Variants in MACO1 observed in about 807,000 individuals in gnomAD.
The protein encoded by MACO1 is macoilin 1.
Under a neutral mutation model 78.7 loss-of-function variants are expected in MACO1, and 14 were observed. That is an observed-to-expected ratio of 0.18 (90% CI 0.12 to 0.28). The LOEUF (loss-of-function observed/expected upper bound fraction) is 0.28, where lower values mean the gene tolerates loss of function less well. MACO1 is among the 10% of genes least tolerant of loss of function. The pLI is 1.00. For synonymous variants in MACO1, 288 were observed against 291.6 expected (o/e 0.99, Z 0.12); for missense variants, 501 against 799.0 (o/e 0.63, Z 4.50).
At position 25,454,436 on chromosome 1, in the gene MACO1, ATATGTG is replaced by A. The variant is rs1360316722; in HGVS notation, c.473+56_473+61del. The A allele has an allele frequency of 4.7e-4, 346 of 734,898 alleles. 2 individuals carry two copies. The African/African-American group carries it at 7.0e-3, about 15-fold the overall frequency. 45.5% of individuals were successfully genotyped at this position (734,898 alleles called of 1,614,324 possible). On this transcript the variant is annotated intron_variant, in intron 4 of 10. Coordinates refer to ENST00000374343, the MANE Select transcript of MACO1 (RefSeq NM_018202.6). ...TGTGTGTATATGTGTGTATGTATAT[ATATGTG>A]TGTGTGTGTGTGTGTGTGTGTGTGT...
At position 25,463,813 on chromosome 1, in the gene MACO1, A is replaced by G. The variant is rs376885469; in HGVS notation, c.1154+4921A>G. On this transcript the variant is annotated intron_variant, in intron 6 of 10. Transcript: ENST00000374343. ...CTTAGGCTAATTATATATAGTTGTC[A>G]TCATAGCATTTTATAGTGTTTTTTA... 3.9e-4 allele frequency among the ~76,000 whole-genome samples: 59 copies of G among 152,368 alleles called. No individual in the cohort carries two copies. In the South Asian group the frequency reaches 0.012, roughly 30 times the overall value.
intron 5 of MACO1, among the ~76,000 whole-genome samples, chr1:25,457,285 A>AT: frequency 6.6e-6 from 1 of 151,534 alleles, no homozygotes; most frequent in East Asian, 1.9e-4. Flanking sequence ...TTTTTTAATT[A>AT]TTTTTTTGTA....
Position 25,497,016 on chromosome 1 carries a change from A to G in MACO1, c.1793-1248A>G, listed in dbSNP as rs908859109. ...TACATAAGCATTTAGCATGCCTGGCATATATGAAGCCCTATGTGTTAGTTT... is the reference window on the plus strand; with the variant it reads ...TACATAAGCATTTAGCATGCCTGGCGTATATGAAGCCCTATGTGTTAGTTT... On this transcript the variant is annotated intron_variant, in intron 10 of 10. Transcript: ENST00000374343. 1.1e-4 allele frequency among the ~76,000 whole-genome samples: 17 copies of G among 152,328 alleles called. No individual in the cohort carries two copies. The East Asian group carries it at 3.3e-3, about 29-fold the overall frequency.
chr1:25,471,351 A>G (rs1358379312), intron 6 of MACO1, among the ~76,000 whole-genome samples: 2 of 152,070 alleles, frequency 1.3e-5, no homozygotes, highest in African/African-American at 4.8e-5. Context: ...CAAAAAAAAA[A>G]AAAAGAAAGA....
At position 25,454,436 on chromosome 1, in the gene MACO1, ATATGTGTGTGTGTGTG is replaced by A. The variant is rs1178155888; in HGVS notation, c.473+56_473+71del. ...TGTGTGTATATGTGTGTATGTATATATATGTGTGTGTGTGTGTGTGTGTGTGTGTGTGTGTATATAT... is the reference window on the plus strand; with the variant it reads ...TGTGTGTATATGTGTGTATGTATATATGTGTGTGTGTGTGTGTGTATATAT... On this transcript the variant is annotated intron_variant, in intron 4 of 10. Coordinates refer to ENST00000374343, the MANE Select transcript of MACO1 (RefSeq NM_018202.6). The A allele has an allele frequency of 3.0e-5, 22 of 734,984 alleles. 1 individual carries two copies. The African/African-American group carries it at 4.6e-4, about 15-fold the overall frequency. 45.5% of individuals were successfully genotyped at this position (734,984 alleles called of 1,614,324 possible). A position where few individuals can be genotyped will look rare whatever the true frequency, so the allele number is the denominator to read the frequency against.
intron 1 of MACO1, among the ~76,000 whole-genome samples, chr1:25,432,239 T>C (rs1243288888): frequency 1.3e-5 from 2 of 152,222 alleles, no homozygotes; most frequent in Non-Finnish European, 2.9e-5. Context: ...GTGAGGTAGC[T>C]GATGACACCC....
intron 6 of MACO1, among the ~76,000 whole-genome samples, chr1:25,461,578 C>A (rs2043172864): frequency 6.6e-6 from 1 of 151,466 alleles, no homozygotes; most frequent in Admixed American, 6.6e-5. Flanking sequence ...CTTCCTTCCC[C>A]CCCCTCAAAA....
chr1:25,456,858 C>A (rs748461819), intron 5 of MACO1, 27 bp downstream of exon 5: 2 of 1,556,198 alleles, frequency 1.3e-6, no homozygotes, highest in Non-Finnish European at 1.7e-6. Context: ...AAGCTGTTGG[C>A]TCAATAGGCT....
At chr1:25,480,384 C>A (rs1277883413) in intron 6 of MACO1, among the ~76,000 whole-genome samples, 1 of 152,170 alleles carries the variant, frequency 6.6e-6, no homozygotes, top group African/African-American at 2.4e-5. Context: ...TTCAGTTTTA[C>A]AAAATTCATG....
At chr1:25,479,237 C>T (rs2043348888) in intron 6 of MACO1, among the ~76,000 whole-genome samples, 1 of 152,108 alleles carries the variant, frequency 6.6e-6, no homozygotes. Flanking sequence ...CTTTTAACAC[C>T]ACTTAATAAA....
At chr1:25,476,818 AC>A (rs2043325101) in intron 6 of MACO1, among the ~76,000 whole-genome samples, 1 of 152,086 alleles carries the variant, frequency 6.6e-6, no homozygotes, top group Non-Finnish European at 1.5e-5. Context: ...ATGCCCACTT[AC>A]CCCTGTTCCC....
intron 1 of MACO1, among the ~76,000 whole-genome samples, chr1:25,434,321 T>C (rs2042901009): frequency 6.6e-6 from 1 of 152,212 alleles, no homozygotes; most frequent in African/African-American, 2.4e-5. Flanking sequence ...GCCCAGAGCC[T>C]GACAGAGTCG....
In MACO1 at chr1:25,458,535, A is replaced by G. The variant is rs2043143256; in HGVS notation, c.797A>G (p.His266Arg). 1 of 1,614,168 alleles carries G rather than the reference A, an allele frequency of 6.2e-7. No individual in the cohort carries two copies. ...GAAAAGGACAAGGATGCCAAAAAACACAACCTTGGAATAAATAACAACAAT... is the reference window on the plus strand; with the variant it reads ...GAAAAGGACAAGGATGCCAAAAAACGCAACCTTGGAATAAATAACAACAAT... The part of the protein sequence containing the change: ...GKEKDKDAKK[H>R]NLGINNNNIL... The change falls in exon 6 of 11, where the codon CAC (histidine) becomes CGC (arginine). Residue 266 changes from histidine to arginine, a missense_variant. Physicochemically the swap from His to Arg is conservative, Grantham distance 29. This residue lies in a region of MACO1 where 90 missense variants were observed against 85.7 expected (regional missense o/e 1.05). Coordinates refer to ENST00000374343, the MANE Select transcript of MACO1 (RefSeq NM_018202.6).
chr1:25,439,645 T>C (rs1455632710), intron 1 of MACO1, among the ~76,000 whole-genome samples: 1 of 151,944 alleles, frequency 6.6e-6, no homozygotes, highest in South Asian at 2.1e-4. Context: ...GTTTATTTTA[T>C]GTTAAGGCTC....
intron 9 of MACO1, among the ~76,000 whole-genome samples, chr1:25,489,538 C>T (rs558545707): frequency 4.6e-5 from 7 of 152,028 alleles, no homozygotes; most frequent in Non-Finnish European, 1.0e-4. Flanking sequence ...TGTTTTATAC[C>T]AGGATTTAAC....
At chr1:25,493,488 G>A (rs555211064) in intron 10 of MACO1, among the ~76,000 whole-genome samples, 1 of 151,916 alleles carries the variant, frequency 6.6e-6, no homozygotes, top group South Asian at 2.1e-4. Flanking sequence ...GGGCTCAAGA[G>A]ATCCTCCCAT....
intron 10 of MACO1, among the ~76,000 whole-genome samples, chr1:25,497,076 G>A (rs1422199979): frequency 6.6e-6 from 1 of 152,130 alleles, no homozygotes; most frequent in African/African-American, 2.4e-5. Context: ...GAAGTGGAGG[G>A]TGTGTTAAGA....
Position 25,456,778 on chromosome 1 carries a change from C to T in MACO1, c.599C>T (p.Ala200Val). ...NEFYMQLLQQALPPEQQMLQK... is the reference protein window; with the variant it reads ...NEFYMQLLQQVLPPEQQMLQK... Reference sequence around the variant, plus strand: ...TTTTACATGCAACTTCTTCAACAAGCTCTCCCTCCAGAGCAACAGATGCTA... The same window carrying T: ...TTTTACATGCAACTTCTTCAACAAGTTCTCCCTCCAGAGCAACAGATGCTA... The change falls in exon 5 of 11, where the codon GCT (alanine) becomes GTT (valine). Residue 200 changes from alanine to valine, a missense_variant. Physicochemically the swap from Ala to Val is moderately conservative, Grantham distance 64. Around this residue, in one of 5 missense-constraint regions of MACO1, gnomAD observed 171 missense variants for 292.1 expected, o/e 0.59. Coordinates refer to ENST00000374343, the MANE Select transcript of MACO1 (RefSeq NM_018202.6). 6.2e-7 allele frequency: 1 copy of T among 1,613,950 alleles called. No individual in the cohort carries two copies. Among genetic ancestry groups the T allele is most frequent in the Non-Finnish European group, 8.5e-7 (1 of 1,179,942 alleles).
At chr1:25,473,380 G>A (rs967145995) in intron 6 of MACO1, among the ~76,000 whole-genome samples, 1 of 152,072 alleles carries the variant, frequency 6.6e-6, no homozygotes, top group Non-Finnish European at 1.5e-5. Flanking sequence ...ACAGTTTACC[G>A]AATGTCTCCA....
Sources: allele counts gnomAD v4.1 joint callset (sites outside exome capture counted in the v4.1 genomes callset), GRCh38; gene constraint gnomAD v4.1.1; regional missense constraint gnomAD v4.1.1; transcripts MANE v1.5; gene names NCBI Gene and HGNC (gene_info 2026-07-23, HGNC 2026-07-21).